The following MACC1 variants were observed in gnomAD, a reference collection of about 807,000 sequenced individuals.
MACC1 encodes metastasis-associated in colon cancer protein 1.
Under a neutral mutation model 70.7 loss-of-function variants are expected in MACC1, and 79 were observed. The ratio of observed to expected loss-of-function variants is 1.12; its 90% CI spans 0.93 to 1.35. MACC1 has a LOEUF of 1.35. Among genes scored for constraint, MACC1 ranks in the 40% most tolerant of loss-of-function variants. The probability of loss-of-function intolerance (pLI) is 0.00; values close to 1 mark genes in which losing one functional copy is unlikely to be tolerated. For missense variants in MACC1, 1,106 were observed against 978.1 expected, an observed-to-expected ratio of 1.13 and a Z score of -1.74; for synonymous variants, 361 against 347.2, an observed-to-expected ratio of 1.04 and a Z score of -0.44.
intron 1 of MACC1, among the ~76,000 whole-genome samples, chr7:20,172,075 T>C (rs528797717): frequency 6.6e-6 from 1 of 152,322 alleles, no homozygotes; most frequent in African/African-American, 2.4e-5. Flanking sequence ...GAGGTATGCA[T>C]TGTCAACCCT....
chr7:20,142,790 C>CGTGGACACTACCTTCTATTCACTTAAAAG (rs1376296698), intron 6 of MACC1, among the ~76,000 whole-genome samples: 3 of 152,162 alleles, frequency 2.0e-5, no homozygotes, highest in Admixed American at 1.3e-4. Flanking sequence ...ATCTCTGAGA[C>CGTGGACACTACCTTCTATTCACTTAAAAG]GTGGACACTA....
At chr7:20,201,870 T>C (rs188403303) in intron 1 of MACC1, among the ~76,000 whole-genome samples, 63 of 152,358 alleles carry the variant, frequency 4.1e-4, no homozygotes, top group Non-Finnish European at 7.5e-4. Flanking sequence ...CCTTAACCTC[T>C]GTACCAGTTG....
chr7:20,159,546 A>C lies in MACC1; in HGVS notation c.815T>G (p.Leu272Trp), dbSNP rs1782109931. Residue 272 changes from leucine to tryptophan, a missense_variant, in exon 5 of 7, where the codon TTG (leucine) becomes TGG (tryptophan). Transcript: ENST00000400331. ...GAGGTTGCCTAACATGATTTCCAACAACGGGCTCACAGTGCACGAAAGATC... is the reference window on the plus strand; with the variant it reads ...GAGGTTGCCTAACATGATTTCCAACCACGGGCTCACAGTGCACGAAAGATC... ...NHDLSCTVSPLLEIMLGNLNT... is the reference protein window; with the variant it reads ...NHDLSCTVSPWLEIMLGNLNT... The C allele has an allele frequency of 6.2e-7, 1 of 1,614,036 alleles. No homozygotes were observed. The highest frequency in any genetic ancestry group is 1.1e-5 in the South Asian group (1 of 91,084).
chr7:20,187,707 G>C (rs1340493848), intron 1 of MACC1, among the ~76,000 whole-genome samples: 1 of 152,134 alleles, frequency 6.6e-6, no homozygotes, highest in Non-Finnish European at 1.5e-5. Context: ...CTTTCAATTT[G>C]GGGTTGTTAA....
chr7:20,141,445 A>T (rs1410053033), intron 6 of MACC1, among the ~76,000 whole-genome samples: 1 of 152,158 alleles, frequency 6.6e-6, no homozygotes, highest in Non-Finnish European at 1.5e-5. Context: ...TGAATATAAA[A>T]TTCCTTGCAC....
chr7:20,212,001 G>C (rs1783003735), intron 1 of MACC1, among the ~76,000 whole-genome samples: 1 of 152,116 alleles, frequency 6.6e-6, no homozygotes, highest in Non-Finnish European at 1.5e-5. Context: ...CTTATAGACT[G>C]TTGTTTATGG....
rs773862610 is a variant in MACC1 at position 20,159,377 on chromosome 7, A to C, written c.984T>G (p.Ile328Met). 3.1e-6 allele frequency: 5 copies of C among 1,614,030 alleles called. No homozygotes were observed. The Admixed American group carries it at 6.7e-5, about 22-fold the overall frequency. Residue 328 changes from isoleucine to methionine, a missense_variant, in exon 5 of 7, where the codon ATT (isoleucine) becomes ATG (methionine). Coordinates refer to ENST00000400331, the MANE Select transcript of MACC1 (RefSeq NM_182762.4). ...GPFKVLSNCY[I>M]YKDTIQVKLI... ...GCTTGACTTGGATGGTGTCTTTATA[A>C]ATGTAGCAGTTGCTTAAAACTTTAA...
chr7:20,159,310 G>C lies in MACC1; in HGVS notation c.1051C>G (p.Gln351Glu). 1 of 1,614,078 alleles carries C rather than the reference G, an allele frequency of 6.2e-7. No homozygotes were observed. The highest frequency in any genetic ancestry group is 1.7e-4 in the Middle Eastern group (1 of 6,060). The part of the protein sequence containing the change: ...SQVMYLVVAA[Q>E]AKALPSPAAT... ...GCTGGTGACGGAAGAGCTTTAGCTT[G>C]TGCAGCAACCACTAGATACATTACC... The change falls in exon 5 of 7, where the codon CAA (glutamine) becomes GAA (glutamate). Residue 351 changes from glutamine to glutamate, a missense_variant. Transcript: ENST00000400331.
At chr7:20,167,811 C>G (rs1199109320) in intron 2 of MACC1, among the ~76,000 whole-genome samples, 1 of 152,054 alleles carries the variant, frequency 6.6e-6, no homozygotes, top group Non-Finnish European at 1.5e-5. Context: ...ACACAGAGCC[C>G]CACTCTTGGA....
At chr7:20,209,832 C>G (rs977054400) in intron 1 of MACC1, among the ~76,000 whole-genome samples, 3 of 152,122 alleles carry the variant, frequency 2.0e-5, no homozygotes, top group East Asian at 1.9e-4. Context: ...GTGGGAGGAA[C>G]CTGATGAGAG....
intron 1 of MACC1, among the ~76,000 whole-genome samples, chr7:20,209,691 A>G (rs187560303): frequency 4.9e-4 from 75 of 152,272 alleles, no homozygotes; most frequent in African/African-American, 1.6e-3. Context: ...GGGGGGGACT[A>G]TTGGAAAGGC....
chr7:20,190,531 T>C (rs1782657081), intron 1 of MACC1, among the ~76,000 whole-genome samples: 1 of 152,190 alleles, frequency 6.6e-6, no homozygotes, highest in Non-Finnish European at 1.5e-5. Context: ...ACATTTCTCT[T>C]TGAGGATTCT....
chr7:20,176,824 A>T (rs1782400144), intron 1 of MACC1, among the ~76,000 whole-genome samples: 1 of 152,202 alleles, frequency 6.6e-6, no homozygotes, highest in Non-Finnish European at 1.5e-5. Flanking sequence ...AGCCAGTCGC[A>T]TAAGGTATGA....
At chr7:20,152,169 G>A (rs1464961639) in intron 6 of MACC1, among the ~76,000 whole-genome samples, 1 of 152,102 alleles carries the variant, frequency 6.6e-6, no homozygotes, top group Non-Finnish European at 1.5e-5. Flanking sequence ...GAAAGTAAGC[G>A]AAACAGCTCA....
intron 1 of MACC1, among the ~76,000 whole-genome samples, chr7:20,174,426 C>T (rs955418051): frequency 6.6e-6 from 1 of 151,886 alleles, no homozygotes; most frequent in African/African-American, 2.4e-5. Flanking sequence ...ATTTCATGGC[C>T]CCAGCAAAAT....
chr7:20,174,957 C>G (rs774789122), intron 1 of MACC1, among the ~76,000 whole-genome samples: 6 of 151,952 alleles, frequency 3.9e-5, no homozygotes, highest in Non-Finnish European at 7.4e-5. Flanking sequence ...ATATATCAAC[C>G]CTTCATATGT....
intron 5 of MACC1, 127 bp from the exon 6 acceptor site, chr7:20,154,508 T>G (rs1562583760): frequency 2.1e-6 from 2 of 946,578 alleles, no homozygotes; most frequent in Non-Finnish European, 3.1e-6. Flanking sequence ...ATAATCGAGT[T>G]TTCTAAAGCT....
intron 2 of MACC1, among the ~76,000 whole-genome samples, chr7:20,166,855 T>C (rs1782227850): frequency 6.6e-6 from 1 of 152,178 alleles, no homozygotes; most frequent in African/African-American, 2.4e-5. Context: ...AGGAAAATCA[T>C]AATAATTGTG....
chr7:20,199,574 C>T (rs1782803646), intron 1 of MACC1, among the ~76,000 whole-genome samples: 1 of 152,168 alleles, frequency 6.6e-6, no homozygotes, highest in Admixed American at 6.5e-5. Context: ...GTCACATAAT[C>T]ATCAGGAAGG....
Sources: allele counts gnomAD v4.1 joint callset (sites outside exome capture counted in the v4.1 genomes callset), GRCh38; gene constraint gnomAD v4.1.1; transcripts MANE v1.5; gene names NCBI Gene and HGNC (gene_info 2026-07-23, HGNC 2026-07-21).